Variants in FUS observed in about 807,000 individuals in gnomAD.
FUS encodes the protein FUS RNA binding protein.
Under a neutral mutation model 82.7 loss-of-function variants are expected in FUS, and 5 were observed. The ratio of observed to expected loss-of-function variants is 0.06; its 90% CI spans 0.03 to 0.13. The LOEUF (loss-of-function observed/expected upper bound fraction) is 0.13. FUS is among the 10% of genes least tolerant of loss of function. The probability of loss-of-function intolerance (pLI) is 1.00; values close to 1 mark genes in which losing one functional copy is unlikely to be tolerated. For missense variants in FUS, 512 were observed against 707.8 expected (o/e 0.72, Z 3.14); for synonymous variants, 281 against 247.4 (o/e 1.14, Z -1.27).
Position 31,189,813 on chromosome 16 carries a change from G to C in FUS, c.1066+19G>C. The C allele has an allele frequency of 6.2e-7, 1 of 1,613,900 alleles. No individual in the cohort carries two copies. Among genetic ancestry groups the C allele is most frequent in the South Asian group, 1.1e-5 (1 of 91,076 alleles). Reference sequence around the variant, plus strand: ...TTTGATGGTATGTATGAGAAGGCTGGCAGAGGTGGGGCTGGGGATATAGGG... The same window carrying C: ...TTTGATGGTATGTATGAGAAGGCTGCCAGAGGTGGGGCTGGGGATATAGGG... On this transcript the variant is annotated intron_variant, in intron 10 of 14. Coordinates refer to ENST00000254108, the MANE Select transcript of FUS (RefSeq NM_004960.4).
intron 1 of FUS, 23 bp downstream of exon 1, chr16:31,180,250 G>A (rs1292915998): frequency 1.9e-6 from 3 of 1,605,484 alleles, no homozygotes; most frequent in Non-Finnish European, 2.6e-6. Flanking sequence ...GCGAGGCGAC[G>A]GCGGCGGCGC....
chr16:31,188,917 G>A, intron 8 of FUS: 1 of 604,164 alleles, frequency 1.7e-6, no homozygotes, highest in East Asian at 2.8e-5. Context: ...GTGTTAACAT[G>A]TTTCAAAGGA....
chr16:31,181,508 C>G (rs556241033), intron 1 of FUS, among the ~76,000 whole-genome samples: 1 of 152,176 alleles, frequency 6.6e-6, no homozygotes, highest in Non-Finnish European at 1.5e-5. Context: ...TGCATGATCT[C>G]TGTCATTTGG....
At chr16:31,182,906 G>C (rs2079202746) in intron 3 of FUS, 1 of 490,502 alleles carries the variant, frequency 2.0e-6, no homozygotes, top group South Asian at 2.0e-5. Flanking sequence ...AGTAGAGATG[G>C]GGTTTCACCG....
intron 12 of FUS, 96 bp downstream of exon 12, chr16:31,190,494 G>A (rs2079338239): frequency 6.4e-7 from 1 of 1,569,826 alleles, no homozygotes; most frequent in Admixed American, 1.7e-5. Flanking sequence ...AGAAGTAAAT[G>A]TCAAGGCCAC....
chr16:31,180,319 C>T, intron 1 of FUS, 92 bp downstream of exon 1: 2 of 1,505,042 alleles, frequency 1.3e-6, no homozygotes, highest in South Asian at 1.2e-5. Context: ...GGCGGCGATC[C>T]CGTGTGGGAT....
intron 1 of FUS, 94 bp from the exon 2 acceptor site, chr16:31,182,304 T>G: frequency 6.8e-7 from 1 of 1,472,548 alleles, no homozygotes. Flanking sequence ...GTGGTCCTTT[T>G]TATTCATCAG....
chr16:31,192,177 C>G, downstream of FUS: 1 of 528,448 alleles, frequency 1.9e-6, no homozygotes, highest in East Asian at 4.0e-5. Context: ...GGCTGGGTTA[C>G]TTTCACATCC....
chr16:31,188,192 G>A, intron 7 of FUS, 133 bp from the exon 8 acceptor site: 2 of 927,340 alleles, frequency 2.2e-6, no homozygotes, highest in Non-Finnish European at 1.7e-6. Flanking sequence ...GAGGCTGTGA[G>A]CACTTACTTG....
At chr16:31,187,346 T>C (rs2079285854) in intron 7 of FUS, 4 of 254,326 alleles carry the variant, frequency 1.6e-5, no homozygotes, top group Non-Finnish European at 3.1e-5. Context: ...TGCAATTCTA[T>C]GTATATGGAC....
chr16:31,192,441 A>C, downstream of FUS: 1 of 521,966 alleles, frequency 1.9e-6, no homozygotes, highest in Non-Finnish European at 3.7e-6. Flanking sequence ...ACATTAACCC[A>C]AGAGCAGAAA....
intron 1 of FUS, among the ~76,000 whole-genome samples, chr16:31,180,708 T>C (rs2058044639): frequency 6.6e-6 from 1 of 152,038 alleles, no homozygotes; most frequent in Non-Finnish European, 1.5e-5. Flanking sequence ...CGCGGAAGAC[T>C]CGGCGGCGCG....
chr16:31,192,111 C>T (rs780846490), downstream of FUS: 4 of 531,760 alleles, frequency 7.5e-6, no homozygotes, highest in Non-Finnish European at 1.5e-5. Flanking sequence ...GACTCCCTTC[C>T]TAGCTGCCCT....
chr16:31,180,255 C>G (rs1356032977), intron 1 of FUS, 28 bp downstream of exon 1: 1 of 1,601,040 alleles, frequency 6.2e-7, no homozygotes, highest in East Asian at 2.3e-5. Context: ...GCGACGGCGG[C>G]GGCGCACCCG....
intron 6 of FUS, chr16:31,186,323 C>G: frequency 3.3e-6 from 1 of 306,060 alleles, no homozygotes; most frequent in Non-Finnish European, 6.2e-6. Context: ...GGGAAGTTGC[C>G]TTTGGTTTTG....
In FUS at chr16:31,182,570, C is replaced by A. The variant is rs932534102; in HGVS notation, c.96C>A (p.Pro32=). 1.2e-6 allele frequency: 2 copies of A among 1,614,196 alleles called. No homozygotes were observed. The highest frequency in any genetic ancestry group is 2.7e-5 in the African/African-American group (2 of 75,060). The stretch of plus-strand genomic sequence containing the variant: ...GCTATTCCCAGCAGAGCAGTCAGCC[C>A]TACGGACAGCAGAGTTACAGTGGTT... ...GQGYSQQSSQ[P]YGQQSYSGYS... Residue 32 remains proline, a synonymous_variant, in exon 3 of 15, where the codon CCC becomes CCA. Transcript: ENST00000254108.
At chr16:31,186,760 G>A (rs2079276902) in intron 6 of FUS, 42 bp from the exon 7 acceptor site, 22 of 1,604,228 alleles carry the variant, frequency 1.4e-5, no homozygotes, top group Non-Finnish European at 1.7e-5. Flanking sequence ...TTTTGTAGCC[G>A]TTGGAAGCTT....
At chr16:31,186,721 G>A in intron 6 of FUS, 81 bp from the exon 7 acceptor site, 1 of 1,355,842 alleles carries the variant, frequency 7.4e-7, no homozygotes, top group Non-Finnish European at 1.1e-6. Flanking sequence ...CCATGTTTGG[G>A]GAATGTTAAA....
Position 31,180,213 on chromosome 16 carries a change from A to G in FUS, c.-2A>G, listed in dbSNP as rs762662151. On this transcript the variant is annotated 5_prime_UTR_variant, in exon 1 of 15. Transcript: ENST00000254108. ...TGCTTGCCTGTGCGCGCGTGCGCGG[A>G]CATGGCCTCAAACGGTAGGTAAGGG... 3 of 1,611,086 alleles carry G rather than the reference A, an allele frequency of 1.9e-6. No individual in the cohort carries two copies. The highest frequency in any genetic ancestry group is 2.2e-5 in the South Asian group (2 of 90,604).
Sources: allele counts gnomAD v4.1 joint callset (sites outside exome capture counted in the v4.1 genomes callset), GRCh38; gene constraint gnomAD v4.1.1; transcripts MANE v1.5; gene names NCBI Gene and HGNC (gene_info 2026-07-23, HGNC 2026-07-21).